The following RIPK3 variants were observed in gnomAD, a reference collection of about 807,000 sequenced individuals.
The protein encoded by RIPK3 is receptor interacting serine/threonine kinase 3, also known as receptor-interacting serine/threonine-protein kinase 3.
A neutral mutation model predicts 51.6 loss-of-function variants in RIPK3; 51 were observed. That is an observed-to-expected ratio of 0.99 (90% CI 0.79 to 1.25). The LOEUF (loss-of-function observed/expected upper bound fraction) is 1.25, where lower values mean the gene tolerates loss of function less well. RIPK3 is among the 50% of genes most tolerant of loss of function. The probability of loss-of-function intolerance (pLI) is 0.00; values close to 1 mark genes in which losing one functional copy is unlikely to be tolerated. For synonymous variants in RIPK3, 246 were observed against 257.7 expected (o/e 0.95, Z 0.44); for missense variants, 654 against 650.4 (o/e 1.01, Z -0.06).
In RIPK3 at chr14:24,336,285, C is replaced by G. The variant is rs1232006185; in HGVS notation, c.1447G>C (p.Gly483Arg). The change falls in exon 10 of 10, where the codon GGC (glycine) becomes CGC (arginine). Residue 483 changes from glycine to arginine, a missense_variant. Gly to Arg is a moderately radical substitution (Grantham distance 125, BLOSUM62 -2). Transcript: ENST00000216274. Reference protein sequence around the residue: ...ALPTWGLAPSGKGRGLQHPPP... With the variant: ...ALPTWGLAPSRKGRGLQHPPP... ...GGGTGCTGCAAGCCCCTCCCCTTGC[C>G]CGAAGGTGCCAAGCCCCATGTGGGC... 24 of 1,614,048 alleles carry G rather than the reference C, an allele frequency of 1.5e-5. No homozygotes were observed. The East Asian group carries it at 4.0e-4, about 27-fold the overall frequency.
At position 24,337,877 on chromosome 14, in the gene RIPK3, G is replaced by C; in HGVS notation, c.828C>G (p.Phe276Leu). ...WSSEPKDRPS[F>L]QECLPKTDEV... ...CCAGCTAACTGGCCAGCTCACCCTG[G>C]AAGGAGGGTCTGTCCTTGGGCTCAC... is the stretch of plus-strand genomic sequence containing the variant. Residue 276 changes from phenylalanine to leucine, a missense_variant, in exon 6 of 10, where the codon TTC becomes TTG. Coordinates refer to ENST00000216274, the MANE Select transcript of RIPK3 (RefSeq NM_006871.4). The C allele has an allele frequency of 6.2e-7, 1 of 1,613,928 alleles. No homozygotes were observed. The highest frequency in any genetic ancestry group is 8.5e-7 in the Non-Finnish European group (1 of 1,179,816).
Position 24,339,930 on chromosome 14 carries a change from T to G in RIPK3, c.-104A>C. ...GCAGAGAGGGGAAGGGGTCTGTCTG[T>G]GCAGGGGTCAGTCTCTAGACCAAGA... is the stretch of plus-strand genomic sequence containing the variant. On this transcript the variant is annotated 5_prime_UTR_variant, in exon 1 of 10. Transcript: ENST00000216274. This position sits in a 1 kb window ranked among gnomAD's most constrained non-coding sequence, Gnocchi z 4.0. 7.9e-7 allele frequency: 1 copy of G among 1,267,308 alleles called. No homozygotes were observed. Among genetic ancestry groups the G allele is most frequent in the Non-Finnish European group, 1.1e-6 (1 of 910,934 alleles). 78.5% of individuals were successfully genotyped at this position (1,267,308 alleles called of 1,614,324 possible). A position where few individuals can be genotyped will look rare whatever the true frequency, so the allele number is the denominator to read the frequency against.
Position 24,338,445 on chromosome 14 carries a change from G to A in RIPK3, c.594C>T (p.Ala198=), listed in dbSNP as rs754459098. Residue 198 remains alanine (A), a synonymous_variant, in exon 4 of 10, where the codon GCC becomes GCT. Transcript: ENST00000216274. ...PELFVNVNRK[A]STASDVYSFG... is the part of the protein sequence containing the mutation. ...ACCTGTAGACGTCACTGGCTGTGGA[G>A]GCCTTCCGGTTTACGTTAACAAACA... 8 of 1,613,504 alleles carry A rather than the reference G, an allele frequency of 5.0e-6. No individual in the cohort carries two copies. The South Asian group carries it at 7.7e-5, about 16-fold the overall frequency.
rs1411420390 is a variant in RIPK3 at position 24,338,051 on chromosome 14, G to C, written c.665-11C>G. Reference sequence around the variant, plus strand: ...ATGGTTCGGTTGGCACTGGAGTAGGGGAGGAGGGTGAGAAGAGAAGGCATT... The same window carrying C: ...ATGGTTCGGTTGGCACTGGAGTAGGCGAGGAGGGTGAGAAGAGAAGGCATT... On this transcript the variant is annotated splice_polypyrimidine_tract_variant and intron_variant, in intron 5 of 9. Coordinates refer to ENST00000216274, the MANE Select transcript of RIPK3 (RefSeq NM_006871.4). The C allele has an allele frequency of 1.9e-6, 3 of 1,614,130 alleles. No homozygotes were observed. Among genetic ancestry groups the C allele is most frequent in the Non-Finnish European group, 2.5e-6 (3 of 1,180,008 alleles).
rs1297570495 is a variant in RIPK3 at position 24,337,439 on chromosome 14, G to C, written c.922C>G (p.Leu308Val). The change falls in exon 8 of 10, where the codon CTC (leucine) becomes GTC (valine). Residue 308 changes from leucine to valine, a missense_variant. By Grantham distance (32) the Leu-to-Val change is conservative. Coordinates refer to ENST00000216274, the MANE Select transcript of RIPK3 (RefSeq NM_006871.4). ...GAAAATCTCCTATTGCTGCTCCTGAGCTGAGACAGGAAATCCTTTACCTGC... is the reference window on the plus strand; with the variant it reads ...GAAAATCTCCTATTGCTGCTCCTGACCTGAGACAGGAAATCCTTTACCTGC... ...VSTVKDFLSQ[L>V]RSSNRRFSIP... is the part of the protein sequence containing the mutation. The C allele has an allele frequency of 6.2e-7, 1 of 1,613,454 alleles. No homozygotes were observed. Among genetic ancestry groups the C allele is most frequent in the East Asian group, 2.2e-5 (1 of 44,868 alleles).
rs931059849 is a variant in RIPK3 at position 24,337,977 on chromosome 14, G to C, written c.728C>G (p.Ala243Gly). 1.9e-6 allele frequency: 3 copies of C among 1,614,094 alleles called. No homozygotes were observed. The highest frequency in any genetic ancestry group is 2.5e-6 in the Non-Finnish European group (3 of 1,180,058). Residue 243 changes from alanine to glycine, a missense_variant, in exon 6 of 10, where the codon GCT (alanine) becomes GGT (glycine). Transcript: ENST00000216274. ...CTCAGGCCCGGCTTGGGGCAGCTCA[G>C]CCAATGAAGGCCGGTTCTGCCTGTT... ...VCNRQNRPSL[A>G]ELPQAGPETP...
Position 24,337,182 on chromosome 14 carries a change from G to A in RIPK3, c.1179C>T (p.Ala393=). The change falls in exon 8 of 10, where the codon GCC becomes GCT. Residue 393 remains alanine, a synonymous_variant. Coordinates refer to ENST00000216274, the MANE Select transcript of RIPK3 (RefSeq NM_006871.4). ...AGGTCTCTGGAGTCTGGGGAGGTTG[G>A]GCCATCGAATCTGAAGATGTGCCTG... The part of the protein sequence containing the change: ...WTAGTSSDSM[A]QPPQTPETST... 2 of 1,613,066 alleles carry A rather than the reference G, an allele frequency of 1.2e-6. No homozygotes were observed. Among genetic ancestry groups the A allele is most frequent in the Non-Finnish European group, 1.7e-6 (2 of 1,180,018 alleles).
At position 24,337,277 on chromosome 14, in the gene RIPK3, G is replaced by A; in HGVS notation, c.1084C>T (p.Pro362Ser). 1.2e-6 allele frequency: 2 copies of A among 1,614,028 alleles called. No homozygotes were observed. The highest frequency in any genetic ancestry group is 2.2e-5 in the East Asian group (1 of 44,886). Residue 362 changes from proline to serine, a missense_variant, in exon 8 of 10, where the codon CCT becomes TCT. By Grantham distance (74) the Pro-to-Ser change is moderately conservative (BLOSUM62 -1). Transcript: ENST00000216274. ...LNLEEPPSSV[P>S]KKCPSLTKRS... is the part of the protein sequence containing the mutation. ...TTGGTAAGGCTCGGGCATTTTTTAG[G>A]AACAGAGCTGGGAGGCTCCTCTAGA...
chr14:24,338,193 C>T, intron 5 of RIPK3, 56 bp downstream of exon 5: 7 of 1,537,244 alleles, frequency 4.6e-6, no homozygotes, highest in Non-Finnish European at 6.2e-6. Flanking sequence ...AGCCTTGGGG[C>T]TTTCAAGAGA....
In RIPK3 at chr14:24,339,505, G is replaced by T. The variant is rs750038339; in HGVS notation, c.113C>A (p.Ala38Glu). Residue 38 changes from alanine to glutamate, a missense_variant, in exon 2 of 10, where the codon GCG becomes GAG. Coordinates refer to ENST00000216274, the MANE Select transcript of RIPK3 (RefSeq NM_006871.4). The surrounding 1 kb of genome is among the most constrained non-coding windows in gnomAD (Gnocchi z 4.0). ...GKGGFGTVFR[A>E]QHRKWGYDVA... ...ATCGTAGCCCCACTTCCTATGTTGC[G>T]CCCGGAACACTGTGCCGAACCCGCC... is the stretch of plus-strand genomic sequence containing the variant. 22 of 1,614,032 alleles carry T rather than the reference G, an allele frequency of 1.4e-5. No homozygotes were observed. Among genetic ancestry groups the T allele is most frequent in the African/African-American group, 6.7e-5 (5 of 74,916 alleles).
Position 24,337,369 on chromosome 14 carries a change from C to T in RIPK3, c.992G>A (p.Arg331Lys). Residue 331 changes from arginine to lysine, a missense_variant, in exon 8 of 10, where the codon AGG (arginine) becomes AAG (lysine). Transcript: ENST00000216274. ...GQGGTEMDGF[R>K]RTIENQHSRN... ...AGAGTGCTGGTTTTCTATGGTTCTC[C>T]TAAAGCCATCCATTTCTGTCCCTCC... The T allele has an allele frequency of 1.2e-6, 2 of 1,613,938 alleles. No homozygotes were observed. Among genetic ancestry groups the T allele is most frequent in the South Asian group, 2.2e-5 (2 of 91,084 alleles).
At position 24,337,722 on chromosome 14, in the gene RIPK3, C is replaced by T. The variant is rs1007815233; in HGVS notation, c.873G>A (p.Glu291=). The T allele has an allele frequency of 6.2e-7, 1 of 1,613,428 alleles. No homozygotes were observed. Among genetic ancestry groups the T allele is most frequent in the Non-Finnish European group, 8.5e-7 (1 of 1,179,514 alleles). ...TGGAGACAGCAGCATTCATATTGTT[C>T]TCCACCATCTGGAAGACTTCATCAG... ...PKTDEVFQMV[E]NNMNAAVSTV... is the part of the protein sequence containing the mutation. The change falls in exon 7 of 10, where the codon GAG becomes GAA. Residue 291 remains glutamate (E), a synonymous_variant. Coordinates refer to ENST00000216274, the MANE Select transcript of RIPK3 (RefSeq NM_006871.4).
At chr14:24,338,077 C>T (rs970897515) in intron 5 of RIPK3, 37 bp from the exon 6 acceptor site, 1 of 1,613,914 alleles carries the variant, frequency 6.2e-7, no homozygotes, top group Admixed American at 1.7e-5. Flanking sequence ...AGAAGGCATT[C>T]AGGGTAAAAG....
rs760490173 is a variant in RIPK3, at chr14:24,337,739, C to G, written c.856G>C (p.Val286Leu). The G allele has an allele frequency of 6.2e-7, 1 of 1,613,734 alleles. No individual in the cohort carries two copies. The highest frequency in any genetic ancestry group is 8.5e-7 in the Non-Finnish European group (1 of 1,179,846). Residue 286 changes from valine to leucine, a missense_variant, in exon 7 of 10, where the codon GTC becomes CTC. By Grantham distance (32) the Val-to-Leu change is conservative. Transcript: ENST00000216274. ...FQECLPKTDE[V>L]FQMVENNMNA... ...ATATTGTTCTCCACCATCTGGAAGA[C>G]TTCATCAGTTTTTGGTAGGCATTCT...
At position 24,337,295 on chromosome 14, in the gene RIPK3, C is replaced by T. The variant is rs2042146742; in HGVS notation, c.1066G>A (p.Glu356Lys). The change falls in exon 8 of 10, where the codon GAG (glutamate) becomes AAG (lysine). Residue 356 changes from glutamate to lysine, a missense_variant. By Grantham distance (56) the Glu-to-Lys change is moderately conservative. Transcript: ENST00000216274. ...SEWLNKLNLE[E>K]PPSSVPKKCP... ...TTTTTAGGAACAGAGCTGGGAGGCT[C>T]CTCTAGATTCAGTTTGTTTAGCCAC... 6.2e-7 allele frequency: 1 copy of T among 1,614,064 alleles called. No individual in the cohort carries two copies. The highest frequency in any genetic ancestry group is 1.6e-4 in the Middle Eastern group (1 of 6,062).
At position 24,338,549 on chromosome 14, in the gene RIPK3, A is replaced by G; in HGVS notation, c.490T>C (p.Ser164Pro). 1.2e-6 allele frequency: 2 copies of G among 1,604,970 alleles called. No homozygotes were observed. The highest frequency in any genetic ancestry group is 1.7e-6 in the Non-Finnish European group (2 of 1,172,834). ...GACTGTGAGCCTCCCTGAAATGTGG[A>G]CAGGCCAAAATCTGCCAGCTGCAAA... ...LHVKLADFGL[S>P]TFQGGSQSGT... The change falls in exon 4 of 10, where the codon TCC (serine) becomes CCC (proline). Residue 164 changes from serine to proline, a missense_variant. Physicochemically the swap from Ser to Pro is moderately conservative, Grantham distance 74. Coordinates refer to ENST00000216274, the MANE Select transcript of RIPK3 (RefSeq NM_006871.4).
rs755408854 is a variant in RIPK3 at position 24,337,779 on chromosome 14, G to C, written c.833-17C>G. On this transcript the variant is annotated splice_polypyrimidine_tract_variant and intron_variant, in intron 6 of 9. Transcript: ENST00000216274. ...GTAGGCATTCTAGAGGGACAGCAGA[G>C]TGGAGTGCAGGTGAGCAAATCTTCT... The C allele has an allele frequency of 6.2e-7, 1 of 1,613,944 alleles. No homozygotes were observed. Among genetic ancestry groups the C allele is most frequent in the African/African-American group, 1.3e-5 (1 of 74,934 alleles).
rs11844732 is a variant in RIPK3, at chr14:24,339,755, T to G, written c.20+52A>C. The G allele has an allele frequency of 0.074, 114,973 of 1,561,940 alleles. 7,258 individuals carry two copies. Among genetic ancestry groups the G allele is most frequent in the East Asian group, 0.29 (12,922 of 44,404 alleles). ...CGTTCTCTGAGCGAGTCTGTGGGGC[T>G]CTCTGGGTGTGAATGTCGGAGGCTG... On this transcript the variant is annotated intron_variant, in intron 1 of 9. Transcript: ENST00000216274. This position sits in a 1 kb window ranked among gnomAD's most constrained non-coding sequence, Gnocchi z 4.0.
intron 3 of RIPK3, 59 bp downstream of exon 3, chr14:24,338,956 C>T: frequency 1.4e-6 from 2 of 1,407,322 alleles, no homozygotes; most frequent in South Asian, 2.3e-5. Flanking sequence ...TCCGGCGGGC[C>T]TGGCTGGAGC....
Sources: allele counts gnomAD v4.1 joint callset, GRCh38; gene constraint gnomAD v4.1.1; non-coding constraint Gnocchi (gnomAD v3.1); transcripts MANE v1.5; gene names NCBI Gene and HGNC (gene_info 2026-07-23, HGNC 2026-07-21).